The following DOCK5 variants were observed in gnomAD, a reference collection of about 807,000 sequenced individuals.
DOCK5 encodes dedicator of cytokinesis 5.
Under a neutral mutation model 251.8 loss-of-function variants are expected in DOCK5, and 142 were observed. The ratio of observed to expected loss-of-function variants is 0.56; its 90% CI spans 0.49 to 0.65. DOCK5 has a LOEUF of 0.65. Among genes scored for constraint, DOCK5 ranks in the 30% least tolerant of loss-of-function variants. The probability of loss-of-function intolerance (pLI) is 0.00; values close to 1 mark genes in which losing one functional copy is unlikely to be tolerated. For missense variants in DOCK5, 2,111 were observed against 2,312.3 expected (o/e 0.91, Z 1.79); for synonymous variants, 842 against 835.5 (o/e 1.01, Z -0.13).
At chr8:25,248,629 C>T (rs1345592062) in intron 2 of DOCK5, among the ~76,000 whole-genome samples, 1 of 152,036 alleles carries the variant, frequency 6.6e-6, no homozygotes, top group African/African-American at 2.4e-5. Context: ...GCCCACCGCC[C>T]GGGACAGAAT....
In DOCK5 at chr8:25,413,747, C is replaced by T. The variant is rs888701620; in HGVS notation, c.*2449C>T. Reference sequence around the variant, plus strand: ...AATAGAATATATTCCGTATGATTCCCTTTCCACCTTAATGGAAATAATAGC... The same window carrying T: ...AATAGAATATATTCCGTATGATTCCTTTTCCACCTTAATGGAAATAATAGC... On this transcript the variant is annotated 3_prime_UTR_variant, in exon 52 of 52. Transcript: ENST00000276440. 1.3e-5 allele frequency: 2 copies of T among 152,212 alleles called. No individual in the cohort carries two copies. Among genetic ancestry groups the T allele is most frequent in the African/African-American group, 2.4e-5 (1 of 41,446 alleles). The allele number at this position is 152,212 out of a possible 1,614,324, so 9.4% of individuals were successfully genotyped here.
At chr8:25,390,399 G>C in intron 42 of DOCK5, 112 bp downstream of exon 42, 1 of 955,754 alleles carries the variant, frequency 1.0e-6, no homozygotes, top group Non-Finnish European at 1.5e-6. Flanking sequence ...TCGAAGCCAG[G>C]AATTTGAGAC....
chr8:25,184,877 AGTCGCCGCCGCCGCGGGGCGAG>A lies in DOCK5; in HGVS notation c.-22_-1del, dbSNP rs780702816. The A allele has an allele frequency of 9.5e-6, 13 of 1,361,982 alleles. No homozygotes were observed. Among genetic ancestry groups the A allele is most frequent in the South Asian group, 9.4e-5 (5 of 53,070 alleles). 84.4% of individuals were successfully genotyped at this position (1,361,982 alleles called of 1,614,324 possible). ...GAGCCCGAGGAGCTGTAGCAGCCTT[AGTCGCCGCCGCCGCGGGGCGAG>A]GTCGCCGCCATGGCCCGCTGGATCC... is the stretch of plus-strand genomic sequence containing the variant. On this transcript the variant is annotated 5_prime_UTR_variant, in exon 1 of 52. Coordinates refer to ENST00000276440, the MANE Select transcript of DOCK5 (RefSeq NM_024940.8).
At position 25,400,913 on chromosome 8, in the gene DOCK5, T is replaced by C; in HGVS notation, c.4789-16T>C. 1 of 1,613,758 alleles carries C rather than the reference T, an allele frequency of 6.2e-7. No homozygotes were observed. Among genetic ancestry groups the C allele is most frequent in the Non-Finnish European group, 8.5e-7 (1 of 1,179,766 alleles). On this transcript the variant is annotated splice_polypyrimidine_tract_variant and intron_variant, in intron 46 of 51. Transcript: ENST00000276440. ...TCCTGAAGCACACTGCACTCATTTT[T>C]TGCCCTTCTTTCCAGATGCCCCTGC...
Position 25,292,112 on chromosome 8 carries a change from C to A in DOCK5, c.410C>A (p.Pro137His). Residue 137 changes from proline (P) to histidine (H), a missense_variant, in exon 6 of 52, where the codon CCC becomes CAC. Pro to His is a moderately conservative substitution (Grantham distance 77). This residue lies in a region of DOCK5 where 335 missense variants were observed against 324.9 expected (regional missense o/e 1.03). Transcript: ENST00000276440. ...WRSQILSGTL[P>H]KDELAELKKK... ...TCCCAGATCCTGTCTGGGACGCTCC[C>A]CAAGGATGAACTGGCAGAGCTCAAG... 1.3e-6 allele frequency: 2 copies of A among 1,589,344 alleles called. No individual in the cohort carries two copies. The highest frequency in any genetic ancestry group is 2.3e-5 in the East Asian group (1 of 43,888).
chr8:25,256,312 A>G (rs1803418993), intron 2 of DOCK5, among the ~76,000 whole-genome samples: 1 of 152,164 alleles, frequency 6.6e-6, no homozygotes, highest in Non-Finnish European at 1.5e-5. Context: ...CTAACCTTGA[A>G]TACTTGTTTA....
At chr8:25,335,437 C>G (rs1052990299) in intron 21 of DOCK5, among the ~76,000 whole-genome samples, 2 of 151,892 alleles carry the variant, frequency 1.3e-5, no homozygotes, top group African/African-American at 4.8e-5. Flanking sequence ...ACCCAGGAGG[C>G]AGAGATCACG....
At position 25,374,730 on chromosome 8, in the gene DOCK5, A is replaced by G. The variant is rs1170089486; in HGVS notation, c.3816+76A>G. The G allele has an allele frequency of 3.1e-6, 5 of 1,611,362 alleles. No individual in the cohort carries two copies. The African/African-American group carries it at 6.7e-5, about 22-fold the overall frequency. ...CAGACTAAATTCTATACATTTCATG[A>G]TTTTGATGGGAAAGAACTTTATTCC... On this transcript the variant is annotated intron_variant, in intron 37 of 51. Transcript: ENST00000276440.
intron 1 of DOCK5, among the ~76,000 whole-genome samples, chr8:25,230,400 A>C (rs1200439050): frequency 2.0e-5 from 3 of 152,220 alleles, no homozygotes; most frequent in African/African-American, 7.2e-5. Context: ...AAACGTCGCG[A>C]ACCACTGGAA....
intron 40 of DOCK5, among the ~76,000 whole-genome samples, chr8:25,384,451 A>ATTTT (rs1311005105): frequency 4.5e-4 from 12 of 26,548 alleles, no homozygotes; most frequent in South Asian, 1.1e-3. Flanking sequence ...TTATTTATTT[A>ATTTT]TTTATTTATT....
chr8:25,330,634 A>G (rs1380058352), intron 18 of DOCK5, among the ~76,000 whole-genome samples: 1 of 152,174 alleles, frequency 6.6e-6, no homozygotes. Flanking sequence ...TTGGAAGTTT[A>G]TCCTGTAGAC....
At chr8:25,359,523 C>T (rs113230978) in intron 28 of DOCK5, among the ~76,000 whole-genome samples, 4 of 152,308 alleles carry the variant, frequency 2.6e-5, no homozygotes, top group African/African-American at 7.2e-5. Flanking sequence ...GGAACCTGGC[C>T]GCACAGCAGG....
At chr8:25,371,978 C>G (rs1800881082) in intron 34 of DOCK5, among the ~76,000 whole-genome samples, 1 of 152,190 alleles carries the variant, frequency 6.6e-6, no homozygotes, top group African/African-American at 2.4e-5. Flanking sequence ...AAAGTTTAGC[C>G]TCAGTTTGCT....
At chr8:25,201,033 A>T (rs9774733) in intron 1 of DOCK5, among the ~76,000 whole-genome samples, 2 of 152,044 alleles carry the variant, frequency 1.3e-5, no homozygotes, top group African/African-American at 4.8e-5. Flanking sequence ...CAGCCTCCTG[A>T]GTAGCTGGGA....
intron 40 of DOCK5, 36 bp downstream of exon 40, chr8:25,382,814 G>C (rs371700460): frequency 1.3e-6 from 2 of 1,520,864 alleles, no homozygotes; most frequent in South Asian, 1.2e-5. Flanking sequence ...AGGCCATTAG[G>C]AGGAGGGAAG....
In DOCK5 at chr8:25,252,529, G is replaced by T. The variant is rs73216241; in HGVS notation, c.127+8772G>T. ...TATGACGCTGCGTGCAAATATTTTG[G>T]CATTAGCCTGGAAAGCAGATAAGGC... is the stretch of plus-strand genomic sequence containing the variant. On this transcript the variant is annotated intron_variant, in intron 2 of 51. Coordinates refer to ENST00000276440, the MANE Select transcript of DOCK5 (RefSeq NM_024940.8). 8.2e-3 allele frequency among the ~76,000 whole-genome samples: 1,256 copies of T among 152,292 alleles called. 10 individuals carry two copies. Among genetic ancestry groups the T allele is most frequent in the Non-Finnish European group, 0.012 (804 of 68,020 alleles).
At chr8:25,358,311 C>A (rs1358241409) in intron 27 of DOCK5, among the ~76,000 whole-genome samples, 1 of 152,122 alleles carries the variant, frequency 6.6e-6, no homozygotes, top group African/African-American at 2.4e-5. Context: ...GAGGAAAACC[C>A]CTTGTAAAAC....
intron 2 of DOCK5, among the ~76,000 whole-genome samples, chr8:25,263,105 A>T (rs2457699): frequency 6.6e-6 from 1 of 151,846 alleles, no homozygotes. Flanking sequence ...CCTCTATTTC[A>T]TACTCAAGGT....
At chr8:25,369,715 A>T in intron 34 of DOCK5, 74 bp downstream of exon 34, 1 of 1,302,534 alleles carries the variant, frequency 7.7e-7, no homozygotes, top group Non-Finnish European at 1.1e-6. Flanking sequence ...GTCCTGTTTC[A>T]CCAATAGAGC....
Sources: allele counts gnomAD v4.1 joint callset (sites outside exome capture counted in the v4.1 genomes callset), GRCh38; gene constraint gnomAD v4.1.1; regional missense constraint gnomAD v4.1.1; transcripts MANE v1.5; gene names NCBI Gene and HGNC (gene_info 2026-07-23, HGNC 2026-07-21).